CLEC16A: variants seen among roughly 807,000 people sequenced by gnomAD.
CLEC16A encodes the protein protein CLEC16A.
In CLEC16A, 51 loss-of-function variants were observed where a neutral mutation model predicts 109.5. The observed-to-expected ratio is 0.47, with a 90% CI of 0.37 to 0.59. CLEC16A has a LOEUF of 0.59. Ranked by LOEUF, CLEC16A falls within the 20% of genes least tolerant of loss-of-function variation. The probability of loss-of-function intolerance (pLI) is 0.00; values close to 1 mark genes in which losing one functional copy is unlikely to be tolerated. For missense variants in CLEC16A, 1,339 were observed against 1,394.0 expected (o/e 0.96, Z 0.63); for synonymous variants, 673 against 564.2 (o/e 1.19, Z -2.73).
intron 19 of CLEC16A, among the ~76,000 whole-genome samples, chr16:11,110,436 G>C (rs1223919620): frequency 1.3e-5 from 2 of 152,190 alleles, no homozygotes; most frequent in Non-Finnish European, 2.9e-5. Context: ...GCAGAGCCCG[G>C]GGGGCCTGTG....
At chr16:10,971,599 G>T in intron 5 of CLEC16A, 1 of 872,516 alleles carries the variant, frequency 1.1e-6, no homozygotes, top group Non-Finnish European at 1.4e-6. Context: ...CAGCTAAGGG[G>T]TAATTTGACT....
intron 3 of CLEC16A, among the ~76,000 whole-genome samples, chr16:10,962,806 C>A (rs576658961): frequency 1.1e-3 from 169 of 152,206 alleles, no homozygotes; most frequent in African/African-American, 3.9e-3. Context: ...TCCCTGTAAC[C>A]CCAGCACTTA....
chr16:11,114,795 G>A (rs528626838), intron 19 of CLEC16A, among the ~76,000 whole-genome samples: 4 of 152,202 alleles, frequency 2.6e-5, no homozygotes, highest in East Asian at 1.9e-4. Context: ...CCCAAAACCC[G>A]CAATTCCTTG....
chr16:11,141,664 G>A (rs1217608501), intron 22 of CLEC16A, among the ~76,000 whole-genome samples: 2 of 152,248 alleles, frequency 1.3e-5, no homozygotes, highest in African/African-American at 2.4e-5. Context: ...ACAGCAGTGC[G>A]GGGCCACTGG....
intron 19 of CLEC16A, among the ~76,000 whole-genome samples, chr16:11,120,266 C>A (rs1253416956): frequency 6.6e-6 from 1 of 152,258 alleles, no homozygotes; most frequent in African/African-American, 2.4e-5. Flanking sequence ...CCACGGCACC[C>A]AGCCATGCTG....
chr16:11,008,079 C>CTCGG (rs1343816215), intron 11 of CLEC16A, among the ~76,000 whole-genome samples: 3 of 152,196 alleles, frequency 2.0e-5, no homozygotes, highest in East Asian at 3.9e-4. Context: ...CGCACACACT[C>CTCGG]TCGGTCGTTG....
chr16:11,060,047 G>A (rs1443298047), intron 18 of CLEC16A, among the ~76,000 whole-genome samples: 1 of 152,168 alleles, frequency 6.6e-6, no homozygotes, highest in Non-Finnish European at 1.5e-5. Flanking sequence ...CCTGGGGCTG[G>A]AGGCTGCTTT....
At chr16:10,973,778 C>G (rs2042906412) in intron 7 of CLEC16A, among the ~76,000 whole-genome samples, 1 of 151,438 alleles carries the variant, frequency 6.6e-6, no homozygotes, top group Non-Finnish European at 1.5e-5. Flanking sequence ...GTCATGTTGC[C>G]CAGGCCAATC....
At chr16:11,055,868 C>T (rs1230047962) in intron 18 of CLEC16A, among the ~76,000 whole-genome samples, 10 of 152,072 alleles carry the variant, frequency 6.6e-5, no homozygotes, top group African/African-American at 2.4e-4. Flanking sequence ...GGATTACAGG[C>T]GTGAGCCACC....
chr16:11,141,492 G>A (rs1216293667), intron 22 of CLEC16A, among the ~76,000 whole-genome samples: 1 of 152,264 alleles, frequency 6.6e-6, no homozygotes, highest in Non-Finnish European at 1.5e-5. Flanking sequence ...GGGGGCACTG[G>A]GTTGTCGGGG....
chr16:11,095,422 C>A (rs2050548854), intron 19 of CLEC16A, among the ~76,000 whole-genome samples: 1 of 152,162 alleles, frequency 6.6e-6, no homozygotes, highest in Non-Finnish European at 1.5e-5. Context: ...CACGGGCCAG[C>A]TCTGGTCTGT....
rs1369309057 is a variant in CLEC16A at position 11,126,064 on chromosome 16, C to A, written c.2559C>A (p.Phe853Leu). The A allele has an allele frequency of 1.9e-6, 3 of 1,613,894 alleles. No individual in the cohort carries two copies. The Admixed American group carries it at 5.0e-5, about 27-fold the overall frequency. The change falls in exon 22 of 24, where the codon TTC becomes TTA. Residue 853 changes from phenylalanine to leucine, a missense_variant. Coordinates refer to ENST00000409790, the MANE Select transcript of CLEC16A (RefSeq NM_015226.3). ...GSSTSTQHLP[F>L]RFYDQGRRGS... Reference sequence around the variant, plus strand: ...CCACCTCCACTCAGCACCTGCCTTTCCGCTTCTACGACCAGGGGCGCCGGG... The same window carrying A: ...CCACCTCCACTCAGCACCTGCCTTTACGCTTCTACGACCAGGGGCGCCGGG...
At chr16:11,076,683 G>A (rs563615725) in intron 19 of CLEC16A, among the ~76,000 whole-genome samples, 1 of 152,334 alleles carries the variant, frequency 6.6e-6, no homozygotes, top group African/African-American at 2.4e-5. Flanking sequence ...CTCTGAACCA[G>A]TGACAGACAG....
chr16:11,044,452 T>G lies in CLEC16A; in HGVS notation c.1815+380T>G, dbSNP rs557852899. Among the ~76,000 whole-genome samples, 10 of 152,370 alleles carry G rather than the reference T, an allele frequency of 6.6e-5. No homozygotes were observed. In the East Asian group the frequency reaches 1.9e-3, roughly 29 times the overall value. ...ATGCTTACACATATAAAATTACTTA[T>G]GAATTACATATGAATTTATGAACCA... is the stretch of plus-strand genomic sequence containing the variant. On this transcript the variant is annotated intron_variant, in intron 16 of 23. Transcript: ENST00000409790.
chr16:11,045,727 G>A (rs756263633), intron 16 of CLEC16A, among the ~76,000 whole-genome samples: 21 of 152,232 alleles, frequency 1.4e-4, no homozygotes, highest in Non-Finnish European at 2.5e-4. Flanking sequence ...CCCTCTTAAC[G>A]TGGCTGATGA....
At chr16:11,027,329 G>A (rs1183514422) in intron 13 of CLEC16A, 9 of 1,428,498 alleles carry the variant, frequency 6.3e-6, no homozygotes, top group African/African-American at 1.4e-5. Context: ...TGAGTTTACT[G>A]GTGCAGAGAA....
chr16:11,139,789 G>C (rs973734797), intron 22 of CLEC16A, among the ~76,000 whole-genome samples: 1 of 152,158 alleles, frequency 6.6e-6, no homozygotes, highest in Non-Finnish European at 1.5e-5. Context: ...GAAAATATTT[G>C]CTAGCTGGTA....
chr16:11,112,249 G>C (rs2051643533), intron 19 of CLEC16A, among the ~76,000 whole-genome samples: 1 of 152,204 alleles, frequency 6.6e-6, no homozygotes, highest in Non-Finnish European at 1.5e-5. Flanking sequence ...GGTTGCCTCT[G>C]CAGAGGGGCA....
intron 19 of CLEC16A, among the ~76,000 whole-genome samples, chr16:11,071,565 G>A (rs893510111): frequency 2.0e-5 from 3 of 150,956 alleles, no homozygotes; most frequent in African/African-American, 7.3e-5. Flanking sequence ...TATGGATTGT[G>A]ATTGAGTAAT....
Sources: allele counts gnomAD v4.1 joint callset (sites outside exome capture counted in the v4.1 genomes callset), GRCh38; gene constraint gnomAD v4.1.1; transcripts MANE v1.5; gene names NCBI Gene and HGNC (gene_info 2026-07-23, HGNC 2026-07-21).